Variants in ZFHX3 observed in about 807,000 individuals in gnomAD.
The protein encoded by ZFHX3 is zinc finger homeobox protein 3.
A neutral mutation model predicts 279.1 loss-of-function variants in ZFHX3; 42 were observed. That is an observed-to-expected ratio of 0.15 (90% CI 0.12 to 0.19). ZFHX3 has a LOEUF of 0.19. ZFHX3 is among the 10% of genes least tolerant of loss of function. The probability of loss-of-function intolerance (pLI) is 1.00; values close to 1 mark genes in which losing one functional copy is unlikely to be tolerated. For synonymous variants in ZFHX3, 2,293 were observed against 1,957.8 expected (o/e 1.17, Z -4.52); for missense variants, 4,981 against 4,754.0 (o/e 1.05, Z -1.40).
chr16:73,502,627 GC>G (rs1450560677), intron 2 of ZFHX3, among the ~76,000 whole-genome samples: 3 of 152,194 alleles, frequency 2.0e-5, no homozygotes, highest in African/African-American at 7.2e-5. Flanking sequence ...ACTAAAGTAA[GC>G]AGAGAAAGAG....
chr16:73,077,705 A>G (rs1187720148), intron 8 of ZFHX3, among the ~76,000 whole-genome samples: 1 of 152,236 alleles, frequency 6.6e-6, no homozygotes, highest in Non-Finnish European at 1.5e-5. Context: ...TGTTAGATTT[A>G]GAAATTATTT....
Position 72,990,340 on chromosome 16 carries a change from G to A in ZFHX3, c.-49-30146C>T, listed in dbSNP as rs186623252. 3.9e-5 allele frequency among the ~76,000 whole-genome samples: 6 copies of A among 152,280 alleles called. No individual in the cohort carries two copies. In the East Asian group the frequency reaches 1.2e-3, roughly 29 times the overall value. On this transcript the variant is annotated intron_variant, in intron 1 of 9. Coordinates refer to ENST00000268489, the MANE Select transcript of ZFHX3 (RefSeq NM_006885.4). ...GTGAAGAGAGAGAACACAGAGTTTC[G>A]AAACTGCTCTAAAGCCCATGTCTCA...
chr16:72,960,606 C>T (rs938066327), intron 1 of ZFHX3, among the ~76,000 whole-genome samples: 4 of 152,140 alleles, frequency 2.6e-5, no homozygotes, highest in African/African-American at 9.7e-5. Context: ...ACAGCTCACA[C>T]GAAGTCAGCC....
In ZFHX3 at chr16:73,154,831, T is replaced by C. The variant is rs192837103; in HGVS notation, c.-1103-11000A>G. On this transcript the variant is annotated intron_variant, in intron 5 of 17. Transcript: ENST00000641206. ...CCATTAAAAAAATCAAAAGCAAAGATTGTGAAAATAAACAAGCATAAATTG... is the reference window on the plus strand; with the variant it reads ...CCATTAAAAAAATCAAAAGCAAAGACTGTGAAAATAAACAAGCATAAATTG... Among the ~76,000 whole-genome samples, 206 of 151,772 alleles carry C rather than the reference T, an allele frequency of 1.4e-3. 1 individual carries two copies. Among genetic ancestry groups the C allele is most frequent in the South Asian group, 4.6e-3 (22 of 4,812 alleles).
intron 7 of ZFHX3, among the ~76,000 whole-genome samples, chr16:73,109,758 A>C (rs1453815294): frequency 6.6e-6 from 1 of 152,022 alleles, no homozygotes; most frequent in Non-Finnish European, 1.5e-5. Flanking sequence ...CTGAGGCACG[A>C]GAGTCACTTG....
At chr16:73,392,317 A>G (rs533019040) in intron 3 of ZFHX3, among the ~76,000 whole-genome samples, 68 of 147,100 alleles carry the variant, frequency 4.6e-4, no homozygotes, top group Non-Finnish European at 3.7e-4. Context: ...GCTACTCAGG[A>G]GGCTGAGGCA....
At chr16:73,878,028 T>C (rs2030011203) in intron 1 of ZFHX3, among the ~76,000 whole-genome samples, 1 of 151,998 alleles carries the variant, frequency 6.6e-6, no homozygotes, top group Non-Finnish European at 1.5e-5. Context: ...CTCCATACCA[T>C]CATTTCTCTT....
intron 1 of ZFHX3, among the ~76,000 whole-genome samples, chr16:73,759,716 G>C (rs1309933411): frequency 2.6e-5 from 4 of 152,072 alleles, no homozygotes; most frequent in Non-Finnish European, 5.9e-5. Context: ...CCTTAAACTG[G>C]AGGATACTTT....
At position 73,334,810 on chromosome 16, in the gene ZFHX3, C is replaced by CCTTTTTTTTTTT. The variant is rs1555510772; in HGVS notation, c.-1290-16475_-1290-16474insAAAAAAAAAAAG. On this transcript the variant is annotated intron_variant, in intron 3 of 17. Transcript: ENST00000641206. ...TCTTTTCCTCCTTTTCTTTCTCATT[C>CCTTTTTTTTTTT]TTTTTTTTTTTTTTTTTTTTTTTTT... Among the ~76,000 whole-genome samples, 35 of 57,910 alleles carry CCTTTTTTTTTTT rather than the reference C, an allele frequency of 6.0e-4. 9 individuals carry two copies. The highest frequency in any genetic ancestry group is 1.8e-3 in the African/African-American group (32 of 17,368). The allele number at this position is 57,910 out of a possible 152,430, so 38.0% of individuals were successfully genotyped here. A position where few individuals can be genotyped will look rare whatever the true frequency, so the allele number is the denominator to read the frequency against.
rs2029898420 is a variant in ZFHX3, at chr16:73,874,844, A to G, written c.-1608+16807T>C. On this transcript the variant is annotated intron_variant, in intron 1 of 17. Coordinates refer to the ZFHX3 transcript ENST00000641206. ...TGAGGATTACAATGATATAGATTTC[A>G]AAACATCCCTGGGCACACAAATACT... 3.9e-5 allele frequency among the ~76,000 whole-genome samples: 6 copies of G among 152,344 alleles called. No individual in the cohort carries two copies. In the South Asian group the frequency reaches 1.2e-3, roughly 32 times the overall value.
At chr16:73,427,018 A>G (rs556082835) in intron 3 of ZFHX3, among the ~76,000 whole-genome samples, 28 of 152,278 alleles carry the variant, frequency 1.8e-4, no homozygotes, top group African/African-American at 6.5e-4. Context: ...CATTTTTAAA[A>G]TGTCAGCTCA....
chr16:72,793,758 T>G lies in ZFHX3; in HGVS notation c.8924A>C (p.Glu2975Ala). The G allele has an allele frequency of 6.2e-7, 1 of 1,614,174 alleles. No homozygotes were observed. Among genetic ancestry groups the G allele is most frequent in the Non-Finnish European group, 8.5e-7 (1 of 1,180,036 alleles). ...AATGTCATTGCCCAGGACCTCACAT[T>G]CTAGCATAGTGGGTGTCCTGTAGTC... ...FNDYRTPTML[E>A]CEVLGNDIGL... The change falls in exon 9 of 10, where the codon GAA (glutamate) becomes GCA (alanine). Residue 2975 changes from glutamate (E) to alanine (A), a missense_variant. Transcript: ENST00000268489. The surrounding 1 kb of genome is among the most constrained non-coding windows in gnomAD (Gnocchi z 4.3).
At chr16:73,133,386 G>A (rs1966730796) in intron 6 of ZFHX3, among the ~76,000 whole-genome samples, 1 of 152,152 alleles carries the variant, frequency 6.6e-6, no homozygotes, top group Non-Finnish European at 1.5e-5. Context: ...GCCAGGTGTG[G>A]TGGCGAGTGC....
intron 2 of ZFHX3, among the ~76,000 whole-genome samples, chr16:73,533,968 C>T (rs372649326): frequency 1.3e-5 from 2 of 152,140 alleles, no homozygotes; most frequent in African/African-American, 4.8e-5. Context: ...TTTCGTGCTG[C>T]CTATTCTCAA....
intron 4 of ZFHX3, among the ~76,000 whole-genome samples, chr16:73,297,168 C>A (rs775086091): frequency 6.6e-6 from 1 of 151,874 alleles, no homozygotes; most frequent in African/African-American, 2.4e-5. Context: ...TAAGCCACTG[C>A]GCCGAGCCAG....
intron 4 of ZFHX3, among the ~76,000 whole-genome samples, chr16:72,831,646 T>G (rs2037062078): frequency 6.6e-6 from 1 of 152,214 alleles, no homozygotes; most frequent in African/African-American, 2.4e-5. Context: ...TATGTCCAGG[T>G]GGGACGTTCT....
chr16:73,707,630 AC>A (rs1199603856), intron 1 of ZFHX3, among the ~76,000 whole-genome samples: 1 of 151,130 alleles, frequency 6.6e-6, no homozygotes, highest in Non-Finnish European at 1.5e-5. Flanking sequence ...TAGGAGATAT[AC>A]CTAATGCTAA....
intron 4 of ZFHX3, among the ~76,000 whole-genome samples, chr16:73,303,572 T>G (rs181850678): frequency 5.8e-4 from 89 of 152,212 alleles, no homozygotes; most frequent in African/African-American, 2.1e-3. Context: ...AGAGAAAAAG[T>G]CACTTTATAA....
intron 1 of ZFHX3, among the ~76,000 whole-genome samples, chr16:73,028,716 C>T (rs932492003): frequency 6.6e-6 from 1 of 152,194 alleles, no homozygotes; most frequent in Non-Finnish European, 1.5e-5. Context: ...TTTGCTTCTC[C>T]GGGCCCATCC....
Sources: allele counts gnomAD v4.1 joint callset (sites outside exome capture counted in the v4.1 genomes callset), GRCh38; gene constraint gnomAD v4.1.1; non-coding constraint Gnocchi (gnomAD v3.1); transcripts MANE v1.5; gene names NCBI Gene and HGNC (gene_info 2026-07-23, HGNC 2026-07-21).